The following GPR158 variants were observed in gnomAD, a reference collection of about 807,000 sequenced individuals.
The protein encoded by GPR158 is G protein-coupled receptor 158.
GPR158 carries 30 observed loss-of-function variants against 78.2 expected under a neutral mutation model. That is an observed-to-expected ratio of 0.38 (90% CI 0.29 to 0.52). GPR158 has a LOEUF of 0.52. GPR158 is among the 20% of genes least tolerant of loss of function. The pLI is 0.83. For synonymous variants in GPR158, 581 were observed against 591.1 expected (o/e 0.98, Z 0.25); for missense variants, 1,463 against 1,523.5 (o/e 0.96, Z 0.66).
intron 2 of GPR158, among the ~76,000 whole-genome samples, chr10:25,304,350 C>G (rs1854637510): frequency 6.6e-6 from 1 of 151,958 alleles, no homozygotes; most frequent in African/African-American, 2.4e-5. Flanking sequence ...ACTGAGGTAG[C>G]TAGGATGGGA....
rs1296405077 is a variant in GPR158 at position 25,251,804 on chromosome 10, T to C, written c.1008+30647T>C. Among the ~76,000 whole-genome samples, 469 of 150,462 alleles carry C rather than the reference T, an allele frequency of 3.1e-3. 5 individuals carry two copies. The highest frequency in any genetic ancestry group is 0.011 in the African/African-American group (454 of 41,168). ...ACAATTATGTGTCTTGGAGTTGCTC[T>C]TCTCGAGGAGTATCTTTGTGGCGTT... On this transcript the variant is annotated intron_variant, in intron 2 of 10. Transcript: ENST00000376351.
chr10:25,572,219 A>ACTCAATGG (rs1564493582), intron 6 of GPR158, among the ~76,000 whole-genome samples: 1 of 152,244 alleles, frequency 6.6e-6, no homozygotes, highest in Admixed American at 6.5e-5. Flanking sequence ...ATTGTATATG[A>ACTCAATGG]ACCTATTGAC....
intron 2 of GPR158, among the ~76,000 whole-genome samples, chr10:25,372,848 T>TA (rs56306794): frequency 2.0e-5 from 3 of 151,272 alleles, no homozygotes; most frequent in African/African-American, 4.9e-5. Flanking sequence ...CCCTAAAACT[T>TA]TAATAATAAT....
intron 2 of GPR158, among the ~76,000 whole-genome samples, chr10:25,230,461 G>A (rs1011888061): frequency 2.0e-5 from 3 of 152,164 alleles, no homozygotes; most frequent in Non-Finnish European, 4.4e-5. Flanking sequence ...ACATTAAAAT[G>A]TGTGTAGATA....
chr10:25,557,951 G>T (rs2130718506), intron 6 of GPR158, among the ~76,000 whole-genome samples: 1 of 152,318 alleles, frequency 6.6e-6, no homozygotes, highest in South Asian at 2.1e-4. Flanking sequence ...TGTCCCATCT[G>T]CAGATGTCCT....
In GPR158 at chr10:25,401,341, T is replaced by A. The variant is rs545637461; in HGVS notation, c.1111+5328T>A. On this transcript the variant is annotated intron_variant, in intron 3 of 10. Transcript: ENST00000376351. ...CTAGTCCTAATCGGTTTTACTCTAG[T>A]TGTAGAAGAAAGATTCTCCATCCAA... 1.4e-4 allele frequency among the ~76,000 whole-genome samples: 21 copies of A among 152,310 alleles called. 1 individual carries two copies. Among genetic ancestry groups the A allele is most frequent in the African/African-American group, 4.6e-4 (19 of 41,582 alleles).
chr10:25,399,837 A>C (rs912984515), intron 3 of GPR158, among the ~76,000 whole-genome samples: 1 of 152,196 alleles, frequency 6.6e-6, no homozygotes, highest in Non-Finnish European at 1.5e-5. Context: ...CCTCTTCATC[A>C]TAGTATCCAG....
At chr10:25,205,322 T>TC (rs1161760709) in intron 1 of GPR158, among the ~76,000 whole-genome samples, 27 of 149,228 alleles carry the variant, frequency 1.8e-4, no homozygotes, top group African/African-American at 6.4e-4. Flanking sequence ...TTTTTTTTTT[T>TC]CCCAAAAAAC....
At chr10:25,469,290 T>A (rs1028973473) in intron 5 of GPR158, among the ~76,000 whole-genome samples, 1 of 152,170 alleles carries the variant, frequency 6.6e-6, no homozygotes, top group Non-Finnish European at 1.5e-5. Flanking sequence ...CCAACTCATA[T>A]TCAGCTGCTT....
chr10:25,308,809 A>G (rs1588790171), intron 2 of GPR158, among the ~76,000 whole-genome samples: 1 of 152,314 alleles, frequency 6.6e-6, no homozygotes, highest in Middle Eastern at 3.4e-3. Flanking sequence ...ATCATATAGT[A>G]TATTTTATGA....
rs140090961 is a variant in GPR158, at chr10:25,596,716, G to A, written c.2072G>A (p.Arg691Gln). Residue 691 changes from arginine (R) to glutamine (Q), a missense_variant, in exon 10 of 11, where the codon CGA (arginine) becomes CAA (glutamine). Coordinates refer to ENST00000376351, the MANE Select transcript of GPR158 (RefSeq NM_020752.3). Reference sequence around the variant, plus strand: ...TATGAGGATGAGCTAGACATGGGCCGATCTGGATCCTACCTGAACAGCAGT... The same window carrying A: ...TATGAGGATGAGCTAGACATGGGCCAATCTGGATCCTACCTGAACAGCAGT... ...EAYEDELDMG[R>Q]SGSYLNSSIN... The A allele has an allele frequency of 3.2e-5, 51 of 1,613,250 alleles. No individual in the cohort carries two copies. Among genetic ancestry groups the A allele is most frequent in the Non-Finnish European group, 4.0e-5 (47 of 1,179,446 alleles).
chr10:25,570,547 C>T (rs910527739), intron 6 of GPR158, among the ~76,000 whole-genome samples: 1 of 152,156 alleles, frequency 6.6e-6, no homozygotes, highest in Non-Finnish European at 1.5e-5. Context: ...AAAATTTCTT[C>T]ACTTCCACTA....
intron 2 of GPR158, among the ~76,000 whole-genome samples, chr10:25,230,550 G>GAACAA (rs1853434132): frequency 6.6e-6 from 1 of 151,536 alleles, no homozygotes; most frequent in East Asian, 1.9e-4. Flanking sequence ...CAAAGAAATT[G>GAACAA]AGAATGTTTT....
At chr10:25,587,188 T>C (rs1837280533) in intron 7 of GPR158, among the ~76,000 whole-genome samples, 1 of 152,206 alleles carries the variant, frequency 6.6e-6, no homozygotes, top group African/African-American at 2.4e-5. Context: ...TCTGGTAAGT[T>C]TCAGCTCCTT....
At chr10:25,595,877 T>G (rs182337183) in intron 9 of GPR158, among the ~76,000 whole-genome samples, 1 of 152,282 alleles carries the variant, frequency 6.6e-6, no homozygotes, top group East Asian at 1.9e-4. Flanking sequence ...GTTATAAATT[T>G]TATAGTATGT....
intron 5 of GPR158, among the ~76,000 whole-genome samples, chr10:25,544,993 T>G (rs1317991147): frequency 2.0e-5 from 3 of 152,196 alleles, no homozygotes; most frequent in African/African-American, 7.2e-5. Flanking sequence ...TTGCTGAGAA[T>G]GATGGTTTCC....
chr10:25,485,226 CAAGT>C (rs1402033338), intron 5 of GPR158, among the ~76,000 whole-genome samples: 1 of 151,004 alleles, frequency 6.6e-6, no homozygotes, highest in Non-Finnish European at 1.5e-5. Flanking sequence ...AAAATGGTTG[CAAGT>C]ATTTTTTTTT....
At chr10:25,236,667 C>T (rs531744642) in intron 2 of GPR158, among the ~76,000 whole-genome samples, 59 of 152,078 alleles carry the variant, frequency 3.9e-4, no homozygotes, top group African/African-American at 1.0e-3. Flanking sequence ...GCCACCTGAT[C>T]GAGTCATGCT....
intron 6 of GPR158, among the ~76,000 whole-genome samples, chr10:25,567,279 T>C (rs1238429871): frequency 1.3e-5 from 2 of 152,180 alleles, no homozygotes; most frequent in African/African-American, 4.8e-5. Flanking sequence ...GCTAAAGCGG[T>C]CAGCCTATTG....
Sources: allele counts gnomAD v4.1 joint callset (sites outside exome capture counted in the v4.1 genomes callset), GRCh38; gene constraint gnomAD v4.1.1; transcripts MANE v1.5; gene names NCBI Gene and HGNC (gene_info 2026-07-23, HGNC 2026-07-21).